The following TSPEAR variants were observed in gnomAD, a reference collection of about 807,000 sequenced individuals.
TSPEAR encodes thrombospondin-type laminin G domain and EAR repeat-containing protein.
In TSPEAR, 69 loss-of-function variants were observed where a neutral mutation model predicts 71.6. The ratio of observed to expected loss-of-function variants is 0.96; its 90% CI spans 0.79 to 1.18. The LOEUF is 1.18. Ranked by LOEUF, TSPEAR falls within the 50% of genes most tolerant of loss-of-function variation. The pLI is 0.00. For missense variants in TSPEAR, 971 were observed against 894.9 expected (o/e 1.09, Z -1.09); for synonymous variants, 402 against 387.2 (o/e 1.04, Z -0.45).
At chr21:44,574,258 G>C (rs369024686) in intron 1 of TSPEAR, 1 of 1,588,334 alleles carries the variant, frequency 6.3e-7, no homozygotes, top group South Asian at 1.1e-5. Context: ...GTCTGCTCTG[G>C]GATTTCCTCT....
intron 1 of TSPEAR, among the ~76,000 whole-genome samples, chr21:44,655,684 C>T (rs1434014804): frequency 7.9e-5 from 12 of 152,310 alleles, no homozygotes; most frequent in Middle Eastern, 3.4e-3. Flanking sequence ...ACTTGGGAAG[C>T]AGCGGGCAGG....
At chr21:44,661,814 C>CA (rs1337905428) in intron 1 of TSPEAR, among the ~76,000 whole-genome samples, 2 of 152,064 alleles carry the variant, frequency 1.3e-5, no homozygotes, top group African/African-American at 2.4e-5. Flanking sequence ...CCAGGTCTCC[C>CA]AAGAACTCAC....
At chr21:44,618,436 CACAA>C (rs1187836666) in intron 1 of TSPEAR, among the ~76,000 whole-genome samples, 1 of 152,196 alleles carries the variant, frequency 6.6e-6, no homozygotes, top group Non-Finnish European at 1.5e-5. Context: ...AGGACTAATA[CACAA>C]ACAAACAAAC....
intron 1 of TSPEAR, among the ~76,000 whole-genome samples, chr21:44,625,992 TTC>T (rs1226382209): frequency 6.6e-6 from 1 of 152,222 alleles, no homozygotes; most frequent in South Asian, 2.1e-4. Flanking sequence ...GCTGGTCAAC[TTC>T]TGTCTTATTT....
intron 9 of TSPEAR, chr21:44,515,679 A>T (rs1427418970): frequency 6.6e-6 from 1 of 152,074 alleles, no homozygotes; most frequent in Non-Finnish European, 1.5e-5. Flanking sequence ...CGCGGCCTGA[A>T]AATGTAGAGT....
chr21:44,589,517 G>C (rs1252023654), intron 1 of TSPEAR, among the ~76,000 whole-genome samples: 1 of 152,224 alleles, frequency 6.6e-6, no homozygotes, highest in Non-Finnish European at 1.5e-5. Context: ...GAACTGGAGT[G>C]GCAGGATCAC....
At chr21:44,517,937 T>A (rs1327708549) in intron 9 of TSPEAR, 3 of 443,072 alleles carry the variant, frequency 6.8e-6, no homozygotes, top group African/African-American at 4.1e-5. Flanking sequence ...TCCATCACTG[T>A]CCTCACCCTC....
At chr21:44,579,844 G>A in intron 1 of TSPEAR, 2 of 1,595,950 alleles carry the variant, frequency 1.3e-6, no homozygotes, top group South Asian at 1.1e-5. Context: ...CCTGGTAGGA[G>A]GAGGCAGGGG....
Position 44,642,174 on chromosome 21 carries a change from ACC to A in TSPEAR, c.82+69257_82+69258del. 6.6e-6 allele frequency among the ~76,000 whole-genome samples: 1 copy of A among 152,332 alleles called. No individual in the cohort carries two copies. The highest frequency in any genetic ancestry group is 1.9e-4 in the East Asian group (1 of 5,186). ...TACTGTGTCCTAAAAAATATAAATT[ACC>A]TACCCTGAGTAACAAGACAAAAATT... On this transcript the variant is annotated intron_variant, in intron 1 of 11. Transcript: ENST00000323084. The surrounding 1 kb of genome is among the most constrained non-coding windows in gnomAD (Gnocchi z 4.1).
At position 44,602,721 on chromosome 21, in the gene TSPEAR, C is replaced by A. The variant is rs587720647; in HGVS notation, c.83-34716G>T. Reference sequence around the variant, plus strand: ...GGGTACATCACCGGGCAGGGCATCCCCAACATCGCACACGCAGCGTCCCAG... The same window carrying A: ...GGGTACATCACCGGGCAGGGCATCCACAACATCGCACACGCAGCGTCCCAG... On this transcript the variant is annotated intron_variant, in intron 1 of 11. Coordinates refer to ENST00000323084, the MANE Select transcript of TSPEAR (RefSeq NM_144991.3). Among the ~76,000 whole-genome samples, 1,242 of 152,340 alleles carry A rather than the reference C, an allele frequency of 8.2e-3. 19 individuals carry two copies. The highest frequency in any genetic ancestry group is 0.028 in the African/African-American group (1,174 of 41,568).
In TSPEAR at chr21:44,700,931, C is replaced by T. The variant is rs1271368375; in HGVS notation, c.82+10502G>A. On this transcript the variant is annotated intron_variant, in intron 1 of 11. Transcript: ENST00000323084. ...AGCCCATAGGGTGATATTCCAAGGT[C>T]GTGCAAGCCAAGTCAGAGGTGAGAG... Among the ~76,000 whole-genome samples, 8 of 152,136 alleles carry T rather than the reference C, an allele frequency of 5.3e-5. 1 individual carries two copies. Among genetic ancestry groups the T allele is most frequent in the Admixed American group, 3.3e-4 (5 of 15,280 alleles).
intron 1 of TSPEAR, among the ~76,000 whole-genome samples, chr21:44,635,217 G>A (rs2329836): frequency 0.064 from 9,733 of 151,716 alleles, 398 homozygotes; most frequent in South Asian, 0.11. Context: ...GTGGTGGTGC[G>A]CACCTGTAAT....
Position 44,612,909 on chromosome 21 carries a change from G to A in TSPEAR, c.83-44904C>T, listed in dbSNP as rs1555931590. ...CTCTGCTCAGGCCAGGAGTCCAGCT[G>A]CTGATGGGCACGTCCCCCAGGGCCA... On this transcript the variant is annotated intron_variant, in intron 1 of 11. Coordinates refer to ENST00000323084, the MANE Select transcript of TSPEAR (RefSeq NM_144991.3). The surrounding 1 kb of genome is among the most constrained non-coding windows in gnomAD (Gnocchi z 4.1). 6.2e-7 allele frequency: 1 copy of A among 1,605,914 alleles called. No homozygotes were observed. Among genetic ancestry groups the A allele is most frequent in the Non-Finnish European group, 8.5e-7 (1 of 1,177,428 alleles).
intron 1 of TSPEAR, chr21:44,658,182 C>T (rs1368894930): frequency 1.9e-6 from 3 of 1,614,152 alleles, no homozygotes; most frequent in Middle Eastern, 1.6e-4. Flanking sequence ...TATGTGACTC[C>T]CTCTTGCCAA....
At chr21:44,528,326 G>A in intron 6 of TSPEAR, 126 bp downstream of exon 6, 1 of 1,379,888 alleles carries the variant, frequency 7.2e-7, no homozygotes. Context: ...AAGTGCCCCA[G>A]CCTGACGGCC....
intron 1 of TSPEAR, among the ~76,000 whole-genome samples, chr21:44,659,594 G>C (rs1231724096): frequency 6.6e-6 from 1 of 152,192 alleles, no homozygotes; most frequent in Non-Finnish European, 1.5e-5. Flanking sequence ...CCAAGCCATT[G>C]TTGGGAGACA....
chr21:44,575,639 C>T (rs1315782688), intron 1 of TSPEAR, among the ~76,000 whole-genome samples: 2 of 152,244 alleles, frequency 1.3e-5, no homozygotes, highest in African/African-American at 2.4e-5. Context: ...AATTATCCTT[C>T]TGCTGCACAA....
intron 1 of TSPEAR, chr21:44,697,864 C>A (rs782142378): frequency 6.2e-7 from 1 of 1,603,830 alleles, no homozygotes; most frequent in Non-Finnish European, 8.5e-7. Flanking sequence ...CCTCCTCCTG[C>A]CAGCCAAGCT....
At chr21:44,547,877 G>A (rs1255867282) in intron 2 of TSPEAR, among the ~76,000 whole-genome samples, 2 of 152,152 alleles carry the variant, frequency 1.3e-5, no homozygotes, top group Admixed American at 1.3e-4. Context: ...TGAGCACTGA[G>A]AGCTTCTCAG....
Sources: allele counts gnomAD v4.1 joint callset (sites outside exome capture counted in the v4.1 genomes callset), GRCh38; gene constraint gnomAD v4.1.1; non-coding constraint Gnocchi (gnomAD v3.1); transcripts MANE v1.5; gene names NCBI Gene and HGNC (gene_info 2026-07-23, HGNC 2026-07-21).